Variants in PPFIBP2 observed in about 807,000 individuals in gnomAD.
PPFIBP2 encodes the protein liprin-beta-2.
In PPFIBP2, 118 loss-of-function variants were observed where a neutral mutation model predicts 118.3. The ratio of observed to expected loss-of-function variants is 1.00; its 90% CI spans 0.86 to 1.16. The LOEUF is 1.16. PPFIBP2 is among the 50% of genes most tolerant of loss of function. The probability of loss-of-function intolerance (pLI) is 0.00; values close to 1 mark genes in which losing one functional copy is unlikely to be tolerated. For missense variants in PPFIBP2, 1,195 were observed against 1,073.1 expected, an observed-to-expected ratio of 1.11 and a Z score of -1.59; for synonymous variants, 414 against 397.4, an observed-to-expected ratio of 1.04 and a Z score of -0.50.
At chr11:7,662,744 C>T in the PPFIBP2 span, among the ~76,000 whole-genome samples, 23 of 151,400 alleles carry the variant, frequency 1.5e-4, no homozygotes, top group East Asian at 1.7e-3. Flanking sequence ...GCAGAGTGTT[C>T]TCCAACTTGG....
chr11:7,660,850 T>G (rs924437626), downstream of PPFIBP2, among the ~76,000 whole-genome samples: 1 of 151,906 alleles, frequency 6.6e-6, no homozygotes, highest in African/African-American at 2.4e-5. Context: ...ATTCAGAGAT[T>G]CAACTTCTTC....
chr11:7,555,789 C>T (rs537733783), intron 2 of PPFIBP2, among the ~76,000 whole-genome samples: 1 of 152,152 alleles, frequency 6.6e-6, no homozygotes, highest in Non-Finnish European at 1.5e-5. Flanking sequence ...AACTGTGCCT[C>T]GTTTTCCATT....
intron 8 of PPFIBP2, among the ~76,000 whole-genome samples, chr11:7,627,572 T>C (rs531302374): frequency 5.9e-5 from 9 of 152,182 alleles, no homozygotes; most frequent in Non-Finnish European, 8.8e-5. Flanking sequence ...TCCAGCTTCC[T>C]TAGGCTCTTC....
intron 6 of PPFIBP2, among the ~76,000 whole-genome samples, chr11:7,617,636 T>C (rs1848820051): frequency 6.6e-6 from 1 of 152,136 alleles, no homozygotes; most frequent in African/African-American, 2.4e-5. Context: ...CAGATACTGA[T>C]TCCTCTTCCC....
chr11:7,567,024 G>A (rs1225869556), intron 3 of PPFIBP2, among the ~76,000 whole-genome samples: 2 of 152,116 alleles, frequency 1.3e-5, no homozygotes, highest in African/African-American at 4.8e-5. Context: ...TTTATTTGTA[G>A]CATATATTTT....
Position 7,551,483 on chromosome 11 carries a change from C to T in PPFIBP2, c.64+1944C>T, listed in dbSNP as rs529098311. ...TGTTTCATGGATTTATTTTTTCTTTCACCAATACCACACTGTGTTGATTAC... is the reference window on the plus strand; with the variant it reads ...TGTTTCATGGATTTATTTTTTCTTTTACCAATACCACACTGTGTTGATTAC... On this transcript the variant is annotated intron_variant, in intron 2 of 23. Transcript: ENST00000299492. Among the ~76,000 whole-genome samples, 7 of 152,200 alleles carry T rather than the reference C, an allele frequency of 4.6e-5. No homozygotes were observed. In the South Asian group the frequency reaches 1.2e-3, roughly 27 times the overall value.
At chr11:7,583,130 C>T (rs1665719818) in intron 3 of PPFIBP2, among the ~76,000 whole-genome samples, 1 of 152,222 alleles carries the variant, frequency 6.6e-6, no homozygotes, top group African/African-American at 2.4e-5. Flanking sequence ...TGAGCACTAA[C>T]TTTGTTCCTA....
At chr11:7,521,435 A>G (rs1052737820) in intron 1 of PPFIBP2, among the ~76,000 whole-genome samples, 3 of 152,176 alleles carry the variant, frequency 2.0e-5, no homozygotes, top group Admixed American at 6.5e-5. Context: ...AGTAATTTCT[A>G]TTCTTTTGTG....
chr11:7,637,833 G>C (rs1851643674), intron 14 of PPFIBP2, among the ~76,000 whole-genome samples: 3 of 152,216 alleles, frequency 2.0e-5, no homozygotes, highest in Admixed American at 2.0e-4. Flanking sequence ...CTTTCTTACA[G>C]GTCGGGGCTG....
intron 21 of PPFIBP2, 79 bp downstream of exon 21, chr11:7,649,733 A>C: frequency 6.4e-7 from 1 of 1,572,754 alleles, no homozygotes; most frequent in Non-Finnish European, 8.7e-7. Flanking sequence ...AACAAGAATG[A>C]CATCATAAAA....
intron 5 of PPFIBP2, among the ~76,000 whole-genome samples, chr11:7,604,300 G>C (rs12801931): frequency 0.16 from 23,928 of 152,146 alleles, 2,760 homozygotes; most frequent in African/African-American, 0.32. Flanking sequence ...TAAGATCTGA[G>C]AAATGCAAGC....
At chr11:7,554,956 G>A (rs544754695) in intron 2 of PPFIBP2, among the ~76,000 whole-genome samples, 1 of 152,218 alleles carries the variant, frequency 6.6e-6, no homozygotes, top group African/African-American at 2.4e-5. Context: ...CCAGTAGGAT[G>A]TTAACCTTTG....
At chr11:7,657,642 T>C (rs900423731), downstream of PPFIBP2, among the ~76,000 whole-genome samples, 2 of 152,246 alleles carry the variant, frequency 1.3e-5, no homozygotes, top group East Asian at 1.9e-4. Flanking sequence ...TAGTCCTTCC[T>C]CCCTCCAGGC....
At chr11:7,628,472 A>AAT in intron 9 of PPFIBP2, 126 bp downstream of exon 9, 3 of 901,052 alleles carry the variant, frequency 3.3e-6, no homozygotes, top group Non-Finnish European at 5.1e-6. Context: ...GGGATATGTC[A>AAT]GGAGAATGAC....
At chr11:7,546,394 T>G (rs1229635905) in intron 1 of PPFIBP2, among the ~76,000 whole-genome samples, 5 of 152,204 alleles carry the variant, frequency 3.3e-5, no homozygotes, top group Non-Finnish European at 7.3e-5. Flanking sequence ...TCAGGCCAGC[T>G]CCCACAGGTC....
intron 1 of PPFIBP2, among the ~76,000 whole-genome samples, chr11:7,532,509 T>C (rs1430111457): frequency 6.6e-6 from 1 of 152,186 alleles, no homozygotes; most frequent in Non-Finnish European, 1.5e-5. Context: ...CCCAGCTAGC[T>C]AGTGGAGGAA....
chr11:7,644,983 C>T (rs1029668336), intron 17 of PPFIBP2, among the ~76,000 whole-genome samples: 31 of 128,160 alleles, frequency 2.4e-4, no homozygotes, highest in African/African-American at 9.0e-4. Flanking sequence ...GCCGAGATCC[C>T]GCCACTGCAC....
chr11:7,522,557 A>G (rs1373897605), intron 1 of PPFIBP2, among the ~76,000 whole-genome samples: 1 of 152,144 alleles, frequency 6.6e-6, no homozygotes. Context: ...GTAGCACATG[A>G]GTTTAGCCAG....
chr11:7,543,325 A>G (rs1564955270), intron 1 of PPFIBP2, among the ~76,000 whole-genome samples: 1 of 152,202 alleles, frequency 6.6e-6, no homozygotes, highest in Non-Finnish European at 1.5e-5. Flanking sequence ...AATTTCTTGT[A>G]ATATAGTGAC....
Sources: gnomAD v4.1 joint callset for allele counts (sites outside exome capture counted in the v4.1 genomes callset) on GRCh38, gnomAD v4.1.1 for gene constraint, MANE v1.5 for transcripts, NCBI Gene and HGNC (gene_info 2026-07-23, HGNC 2026-07-21) for gene names.